The following ETV1 variants were observed in gnomAD, a reference collection of about 807,000 sequenced individuals.
ETV1 encodes ETS variant transcription factor 1.
In ETV1, 27 loss-of-function variants were observed where a neutral mutation model predicts 62.3. The observed-to-expected ratio is 0.43, with a 90% confidence interval of 0.32 to 0.60. ETV1 has a LOEUF of 0.60. Ranked by LOEUF, ETV1 falls within the 20% of genes least tolerant of loss-of-function variation. ETV1 has a pLI of 0.06. For missense variants in ETV1, 605 were observed against 605.8 expected (o/e 1.00, Z 0.01); for synonymous variants, 222 against 199.6 (o/e 1.11, Z -0.94).
At chr7:13,928,605 T>A (rs2128446007) in intron 9 of ETV1, among the ~76,000 whole-genome samples, 1 of 150,816 alleles carries the variant, frequency 6.6e-6, no homozygotes, top group Middle Eastern at 3.5e-3. Context: ...AGAGCGAGAC[T>A]CCATCTCAAA....
intron 6 of ETV1, among the ~76,000 whole-genome samples, chr7:13,944,999 G>C (rs1787992193): frequency 6.6e-6 from 1 of 152,108 alleles, no homozygotes; most frequent in South Asian, 2.1e-4. Flanking sequence ...GCAGGGAATA[G>C]ATTCCCTCTC....
chr7:13,924,119 C>T (rs574921379), intron 9 of ETV1, among the ~76,000 whole-genome samples: 46 of 152,186 alleles, frequency 3.0e-4, no homozygotes, highest in African/African-American at 1.1e-3. Context: ...TTCTTTACAT[C>T]GATTTGAGAT....
intron 9 of ETV1, among the ~76,000 whole-genome samples, chr7:13,928,077 A>G (rs572510155): frequency 2.8e-4 from 43 of 152,336 alleles, no homozygotes; most frequent in African/African-American, 8.4e-4. Flanking sequence ...TGAAGATTAT[A>G]TATGACTCAA....
chr7:13,988,689 T>C (rs760602453), intron 3 of ETV1: 65 of 1,612,028 alleles, frequency 4.0e-5, no homozygotes, highest in Admixed American at 2.2e-4. Flanking sequence ...CTTCATTCTT[T>C]TCAATGTGGC....
rs968308262 is a variant in ETV1, at chr7:13,892,479, G to C, written c.*3387C>G. 4.3e-5 allele frequency: 10 copies of C among 232,848 alleles called. No homozygotes were observed. Among genetic ancestry groups the C allele is most frequent in the Non-Finnish European group, 8.5e-5 (10 of 117,902 alleles). The allele number at this position is 232,848 out of a possible 1,614,324, so 14.4% of individuals were successfully genotyped here. A position where few individuals can be genotyped will look rare whatever the true frequency, so the allele number is the denominator to read the frequency against. On this transcript the variant is annotated 3_prime_UTR_variant, in exon 14 of 14. Transcript: ENST00000430479. ...CTAGATCCCTCAGCAGAACTCCACT[G>C]TTCCTGAGTAAATCAATTAGAGTCT... is the stretch of plus-strand genomic sequence containing the variant.
intron 5 of ETV1, among the ~76,000 whole-genome samples, chr7:13,977,723 C>T (rs766048202): frequency 1.8e-4 from 27 of 151,946 alleles, no homozygotes; most frequent in Non-Finnish European, 2.8e-4. Flanking sequence ...CAGGTGTATT[C>T]CCTCCGAATT....
intron 6 of ETV1, among the ~76,000 whole-genome samples, chr7:13,966,260 A>G (rs181304283): frequency 1.3e-5 from 2 of 152,324 alleles, no homozygotes; most frequent in African/African-American, 4.8e-5. Context: ...ACAAGGTGTT[A>G]AGACAGACAC....
chr7:13,918,723 G>C (rs1784478893), intron 9 of ETV1, among the ~76,000 whole-genome samples: 1 of 150,824 alleles, frequency 6.6e-6, no homozygotes, highest in African/African-American at 2.4e-5. Context: ...GGGGACTGTG[G>C]TGGGGTGGGG....
chr7:13,971,364 T>C (rs888582659), intron 6 of ETV1, among the ~76,000 whole-genome samples: 4 of 152,236 alleles, frequency 2.6e-5, no homozygotes, highest in Non-Finnish European at 4.4e-5. Flanking sequence ...ATAATATTAG[T>C]GGTTTTAAAC....
chr7:13,943,317 G>A (rs989676990), intron 6 of ETV1, among the ~76,000 whole-genome samples: 1 of 152,168 alleles, frequency 6.6e-6, no homozygotes, highest in Non-Finnish European at 1.5e-5. Context: ...AGCTGTATCA[G>A]ATAGTTACAG....
intron 5 of ETV1, 177 bp downstream of exon 5, chr7:13,986,461 C>G (rs1782560826): frequency 6.6e-7 from 1 of 1,503,774 alleles, no homozygotes; most frequent in South Asian, 1.3e-5. Flanking sequence ...CTGGGTAGTA[C>G]AGCCCCAGAG....
At chr7:13,981,190 T>G (rs946228903) in intron 5 of ETV1, among the ~76,000 whole-genome samples, 1 of 152,102 alleles carries the variant, frequency 6.6e-6, no homozygotes, top group African/African-American at 2.4e-5. Flanking sequence ...TTCTATCCAC[T>G]GTAACAATGA....
chr7:13,924,595 C>A (rs1785202471), intron 9 of ETV1, among the ~76,000 whole-genome samples: 1 of 152,124 alleles, frequency 6.6e-6, no homozygotes, highest in Non-Finnish European at 1.5e-5. Context: ...CAAGCAGATG[C>A]CCTGGATCAT....
intron 6 of ETV1, among the ~76,000 whole-genome samples, chr7:13,945,673 A>C (rs1315956218): frequency 6.6e-6 from 1 of 152,170 alleles, no homozygotes; most frequent in Non-Finnish European, 1.5e-5. Flanking sequence ...TTCTTAAATA[A>C]GAGTAGTGTA....
Position 13,924,639 on chromosome 7 carries a change from G to A in ETV1, c.802+6863C>T, listed in dbSNP as rs139884962. On this transcript the variant is annotated intron_variant, in intron 9 of 13. Coordinates refer to ENST00000430479, the MANE Select transcript of ETV1 (RefSeq NM_004956.5). ...TTCGAAAACCATACAAAAACACTCA[G>A]TATTTCCCTTTAATCTGAACAATTA... is the stretch of plus-strand genomic sequence containing the variant. Among the ~76,000 whole-genome samples the A allele has an allele frequency of 5.7e-3, 865 of 152,226 alleles. 2 individuals carry two copies. Among genetic ancestry groups the A allele is most frequent in the Non-Finnish European group, 8.3e-3 (568 of 68,024 alleles).
At chr7:13,928,786 C>G (rs1029776628) in intron 9 of ETV1, among the ~76,000 whole-genome samples, 1 of 152,046 alleles carries the variant, frequency 6.6e-6, no homozygotes, top group East Asian at 1.9e-4. Flanking sequence ...GGTGAAACCC[C>G]GTCTCTACTA....
intron 9 of ETV1, among the ~76,000 whole-genome samples, chr7:13,924,117 A>G (rs1269696535): frequency 6.6e-5 from 10 of 152,206 alleles, no homozygotes; most frequent in Admixed American, 5.2e-4. Context: ...CTTTCTTTAC[A>G]TCGATTTGAG....
intron 6 of ETV1, among the ~76,000 whole-genome samples, chr7:13,950,237 C>T (rs1271979088): frequency 1.3e-5 from 2 of 152,096 alleles, no homozygotes; most frequent in African/African-American, 4.8e-5. Context: ...CATCAATATG[C>T]CCCCACCTTG....
chr7:13,923,413 C>T (rs537187152), intron 9 of ETV1, among the ~76,000 whole-genome samples: 2 of 152,148 alleles, frequency 1.3e-5, no homozygotes, highest in Admixed American at 1.3e-4. Flanking sequence ...TCCTCTCTTG[C>T]CATTTCAGAA....
Sources: allele counts gnomAD v4.1 joint callset (sites outside exome capture counted in the v4.1 genomes callset), GRCh38; gene constraint gnomAD v4.1.1; transcripts MANE v1.5; gene names NCBI Gene and HGNC (gene_info 2026-07-23, HGNC 2026-07-21).